The following ITGAM variants were observed in gnomAD, a reference collection of about 807,000 sequenced individuals.
The protein encoded by ITGAM is integrin subunit alpha M.
A neutral mutation model predicts 137.5 loss-of-function variants in ITGAM; 79 were observed. The ratio of observed to expected loss-of-function variants is 0.57; its 90% CI spans 0.48 to 0.69. ITGAM has a LOEUF of 0.69. Among genes scored for constraint, ITGAM ranks in the 30% least tolerant of loss-of-function variants. The pLI, the probability that ITGAM is intolerant of heterozygous loss-of-function variation, is 0.00. For missense variants in ITGAM, 1,343 were observed against 1,483.5 expected (o/e 0.91, Z 1.56); for synonymous variants, 583 against 592.3 (o/e 0.98, Z 0.23).
At chr16:31,321,144 T>C in intron 14 of ITGAM, 97 bp from the exon 15 acceptor site, 1 of 1,383,078 alleles carries the variant, frequency 7.2e-7, no homozygotes, top group Admixed American at 1.8e-5. Context: ...TGAGTAGAGC[T>C]TAGAGAACCT....
In ITGAM at chr16:31,295,594, G is replaced by A. The variant is rs1326617459; in HGVS notation, c.1357-1920G>A. On this transcript the variant is annotated intron_variant, in intron 12 of 29. Transcript: ENST00000544665. ...TAGTTCTAGTAGTTCTTTTTTGGTGGAGTTTTTAGGGTTTTTTAAAAATAT... is the reference window on the plus strand; with the variant it reads ...TAGTTCTAGTAGTTCTTTTTTGGTGAAGTTTTTAGGGTTTTTTAAAAATAT... 2.7e-5 allele frequency among the ~76,000 whole-genome samples: 4 copies of A among 150,410 alleles called. No individual in the cohort carries two copies. In the East Asian group the frequency reaches 7.8e-4, roughly 29 times the overall value.
At chr16:31,275,172 G>A (rs774228427) in intron 8 of ITGAM, among the ~76,000 whole-genome samples, 1 of 152,100 alleles carries the variant, frequency 6.6e-6, no homozygotes, top group Non-Finnish European at 1.5e-5. Flanking sequence ...AGGATCATCA[G>A]TGTAATCAAA....
intron 14 of ITGAM, among the ~76,000 whole-genome samples, chr16:31,311,141 G>T (rs1319067876): frequency 6.6e-6 from 1 of 152,132 alleles, no homozygotes; most frequent in African/African-American, 2.4e-5. Context: ...ATTCAAGATG[G>T]ATTAAAGACT....
chr16:31,265,994 C>T, intron 4 of ITGAM, 36 bp from the exon 5 acceptor site: 2 of 1,597,314 alleles, frequency 1.3e-6, no homozygotes, highest in Non-Finnish European at 1.7e-6. Context: ...GGACAGGAAG[C>T]AGGGGCAGCC....
At chr16:31,307,079 G>A (rs542376430) in intron 14 of ITGAM, among the ~76,000 whole-genome samples, 13 of 152,302 alleles carry the variant, frequency 8.5e-5, no homozygotes, top group East Asian at 5.8e-4. Context: ...GTCAGGTAGC[G>A]TGATGCCTCT....
At chr16:31,280,506 A>G (rs1449627384) in intron 12 of ITGAM, among the ~76,000 whole-genome samples, 2 of 152,108 alleles carry the variant, frequency 1.3e-5, no homozygotes, top group African/African-American at 4.8e-5. Flanking sequence ...GCAATTGTGA[A>G]TGGGAGTTCA....
At chr16:31,269,678 C>T (rs886113443) in intron 5 of ITGAM, among the ~76,000 whole-genome samples, 2 of 152,148 alleles carry the variant, frequency 1.3e-5, no homozygotes, top group Non-Finnish European at 2.9e-5. Context: ...CAGGGACTTT[C>T]CAAGCCCTGG....
chr16:31,323,873 C>T (rs538170633), intron 16 of ITGAM, among the ~76,000 whole-genome samples: 5 of 151,868 alleles, frequency 3.3e-5, no homozygotes, highest in African/African-American at 7.2e-5. Context: ...ATTAGCACGG[C>T]GTGGTGGCAT....
chr16:31,277,715 A>G (rs576843400), intron 11 of ITGAM, among the ~76,000 whole-genome samples: 26 of 150,416 alleles, frequency 1.7e-4, no homozygotes, highest in Admixed American at 1.7e-3. Flanking sequence ...CTCGTCTGGA[A>G]CTCCTGACCT....
At chr16:31,292,889 T>C (rs1033515549) in intron 12 of ITGAM, among the ~76,000 whole-genome samples, 1 of 152,158 alleles carries the variant, frequency 6.6e-6, no homozygotes, top group African/African-American at 2.4e-5. Flanking sequence ...ACCAACAGTA[T>C]AAGTGTTCCC....
chr16:31,278,167 A>G (rs914366491), intron 12 of ITGAM, 58 bp downstream of exon 12: 2 of 1,525,498 alleles, frequency 1.3e-6, no homozygotes, highest in Admixed American at 4.1e-5. Flanking sequence ...GGTCTTAGAG[A>G]TTCCAGGAGG....
chr16:31,331,221 C>T lies in ITGAM; in HGVS notation c.3333C>T (p.Gly1111=). ...CCAACCCCCTGCCGCTCATCGTGGG[C>T]AGCTCTGTCGGGGGACTGCTGCTCC... ...EVPNPLPLIV[G]SSVGGLLLLA... is the part of the protein sequence containing the mutation. The change falls in exon 29 of 30, where the codon GGC becomes GGT. Residue 1111 remains glycine, a synonymous_variant. Transcript: ENST00000544665. 6.2e-7 allele frequency: 1 copy of T among 1,613,456 alleles called. No homozygotes were observed. Among genetic ancestry groups the T allele is most frequent in the Non-Finnish European group, 8.5e-7 (1 of 1,179,678 alleles).
chr16:31,328,035 C>A, intron 22 of ITGAM, 112 bp from the exon 23 acceptor site: 1 of 810,458 alleles, frequency 1.2e-6, no homozygotes, highest in Non-Finnish European at 2.1e-6. Flanking sequence ...GTTTCAGATG[C>A]AGAGATAACA....
intron 5 of ITGAM, 51 bp downstream of exon 5, chr16:31,266,198 G>T: frequency 7.6e-7 from 1 of 1,319,852 alleles, no homozygotes; most frequent in Admixed American, 1.7e-5. Context: ...GACCAGGGGA[G>T]GGGGCAGGAC....
At chr16:31,301,725 T>A (rs1489604933) in intron 14 of ITGAM, among the ~76,000 whole-genome samples, 1 of 152,192 alleles carries the variant, frequency 6.6e-6, no homozygotes, top group Admixed American at 6.6e-5. Context: ...AATTTACCAG[T>A]TCTATATCAC....
intron 14 of ITGAM, among the ~76,000 whole-genome samples, chr16:31,300,339 T>G (rs745753031): frequency 6.6e-6 from 1 of 152,232 alleles, no homozygotes; most frequent in Non-Finnish European, 1.5e-5. Context: ...CTATTTCTAA[T>G]TTTTTGAGGA....
chr16:31,330,687 CAAAG>C (rs1249497004), intron 28 of ITGAM, 82 bp downstream of exon 28: 4 of 971,046 alleles, frequency 4.1e-6, no homozygotes, highest in East Asian at 2.6e-5. Context: ...GAGAGAGACA[CAAAG>C]AGAGAGGGAG....
chr16:31,263,641 C>G (rs1342002873), intron 2 of ITGAM, among the ~76,000 whole-genome samples: 1 of 141,206 alleles, frequency 7.1e-6, no homozygotes, highest in Admixed American at 7.1e-5. Flanking sequence ...ACATGTTTTT[C>G]TTATCTGTTG....
intron 16 of ITGAM, 30 bp downstream of exon 16, chr16:31,321,657 T>C: frequency 6.2e-7 from 1 of 1,606,054 alleles, no homozygotes; most frequent in Non-Finnish European, 8.5e-7. Flanking sequence ...TCTCAAGAGG[T>C]TAAACGACCG....
Sources: allele counts gnomAD v4.1 joint callset (sites outside exome capture counted in the v4.1 genomes callset), GRCh38; gene constraint gnomAD v4.1.1; transcripts MANE v1.5; gene names NCBI Gene and HGNC (gene_info 2026-07-23, HGNC 2026-07-21).